The following MORN4 variants were observed in gnomAD, a reference collection of about 807,000 sequenced individuals.
MORN4 encodes MORN repeat containing 4, also known as MORN repeat-containing protein 4.
In MORN4, 8 loss-of-function variants were observed where a neutral mutation model predicts 16.4. The ratio of observed to expected loss-of-function variants is 0.49; its 90% confidence interval spans 0.29 to 0.88. The LOEUF (loss-of-function observed/expected upper bound fraction) is 0.88. MORN4 is among the 40% of genes least tolerant of loss of function. The probability of loss-of-function intolerance (pLI) is 0.09; values close to 1 mark genes in which losing one functional copy is unlikely to be tolerated. For missense variants in MORN4, 159 were observed against 182.9 expected, an observed-to-expected ratio of 0.87 and a Z score of 0.75; for synonymous variants, 53 against 68.9, an observed-to-expected ratio of 0.77 and a Z score of 1.14.
Position 97,623,427 on chromosome 10 carries a change from G to A in MORN4, c.-30-3744C>T, listed in dbSNP as rs116269295. On this transcript the variant is annotated intron_variant, in intron 1 of 4. Coordinates refer to ENST00000307450, the MANE Select transcript of MORN4 (RefSeq NM_178832.4). ...GCCACTACAGCCTGGGTGACAGAGCGAGACCCTGTCCCCCTCCAAAAAAAA... is the reference window on the plus strand; with the variant it reads ...GCCACTACAGCCTGGGTGACAGAGCAAGACCCTGTCCCCCTCCAAAAAAAA... 6.2e-3 allele frequency among the ~76,000 whole-genome samples: 942 copies of A among 152,144 alleles called. 9 individuals carry two copies. The highest frequency in any genetic ancestry group is 0.017 in the African/African-American group (725 of 41,510).
At chr10:97,623,411 G>A (rs1291227369) in intron 1 of MORN4, among the ~76,000 whole-genome samples, 2 of 152,052 alleles carry the variant, frequency 1.3e-5, no homozygotes, top group African/African-American at 2.4e-5. Flanking sequence ...TGCCACTACA[G>A]CCTGGGTGAC....
chr10:97,633,445 C>A lies in MORN4; in HGVS notation c.-129G>T. On this transcript the variant is annotated 5_prime_UTR_variant, in exon 1 of 5. It introduces an in-frame stop codon into an upstream open reading frame of the 5' UTR. Coordinates refer to ENST00000307450, the MANE Select transcript of MORN4 (RefSeq NM_178832.4). This position sits in a 1 kb window ranked among gnomAD's most constrained non-coding sequence, Gnocchi z 4.5. Reference sequence around the variant, plus strand: ...GGCTCCCGGCTGCCACCTTGCTCTCCGCCACCTCCACCAGCGATTGCCCCA... The same window carrying A: ...GGCTCCCGGCTGCCACCTTGCTCTCAGCCACCTCCACCAGCGATTGCCCCA... The A allele has an allele frequency of 7.8e-7, 1 of 1,289,904 alleles. No individual in the cohort carries two copies. The allele number at this position is 1,289,904 out of a possible 1,614,324, so 79.9% of individuals were successfully genotyped here.
upstream of MORN4, chr10:97,633,720 C>T (rs1288353824): frequency 2.6e-6 from 3 of 1,132,862 alleles, no homozygotes; most frequent in Non-Finnish European, 3.4e-6. The surrounding 1 kb of genome is among the most constrained non-coding windows in gnomAD (Gnocchi z 4.5). Context: ...GAAATGGCAA[C>T]CCCAAAGAAA....
intron 1 of MORN4, among the ~76,000 whole-genome samples, chr10:97,629,342 C>T (rs527674491): frequency 1.3e-4 from 20 of 152,240 alleles, no homozygotes; most frequent in South Asian, 2.1e-4. Flanking sequence ...GCCAAGATCG[C>T]GCCATTGCAC....
chr10:97,627,421 G>A (rs1021731921), intron 1 of MORN4, among the ~76,000 whole-genome samples: 21 of 152,190 alleles, frequency 1.4e-4, no homozygotes, highest in African/African-American at 4.8e-4. Context: ...TAGATTACAG[G>A]CGTGAGCTAC....
At chr10:97,620,410 C>T (rs2041278134) in intron 1 of MORN4, among the ~76,000 whole-genome samples, 1 of 147,196 alleles carries the variant, frequency 6.8e-6, no homozygotes, top group Non-Finnish European at 1.5e-5. Context: ...ATCACTTAAA[C>T]CCGGGAGGCG....
chr10:97,633,203 C>T lies in MORN4; in HGVS notation c.-31+144G>A. ...GAGACTAAAGGGTTCAGGTTTGGGT[C>T]CCCCACAGGCAACCGCCCTCAGGTC... On this transcript the variant is annotated intron_variant, in intron 1 of 4. Coordinates refer to ENST00000307450, the MANE Select transcript of MORN4 (RefSeq NM_178832.4). The surrounding 1 kb of genome is among the most constrained non-coding windows in gnomAD (Gnocchi z 4.5). 2 of 1,003,738 alleles carry T rather than the reference C, an allele frequency of 2.0e-6. No homozygotes were observed. The highest frequency in any genetic ancestry group is 1.3e-6 in the Non-Finnish European group (1 of 760,358). The allele number at this position is 1,003,738 out of a possible 1,614,324, so 62.2% of individuals were successfully genotyped here. A position where few individuals can be genotyped will look rare whatever the true frequency, so the allele number is the denominator to read the frequency against.
At chr10:97,616,843 G>A (rs572071402) in intron 3 of MORN4, 56 bp from the exon 4 acceptor site, 13 of 1,228,546 alleles carry the variant, frequency 1.1e-5, no homozygotes, top group South Asian at 9.6e-5. Context: ...CCAGATGAAC[G>A]GAGTCGAGCA....
intron 2 of MORN4, among the ~76,000 whole-genome samples, 179 bp from the exon 3 acceptor site, chr10:97,617,501 G>C (rs2041246794): frequency 6.6e-6 from 1 of 152,184 alleles, no homozygotes; most frequent in Admixed American, 6.5e-5. Context: ...CCTGGCTCCT[G>C]GGGCCTTCCC....
At position 97,633,476 on chromosome 10, in the gene MORN4, C is replaced by T. The variant is rs1430294873; in HGVS notation, c.-160G>A. ...CTCCACCAGCGATTGCCCCACTTGA[C>T]GCCGCCATCCTGGGCGACCGCACTG... On this transcript the variant is annotated 5_prime_UTR_variant, in exon 1 of 5. Transcript: ENST00000307450. This position sits in a 1 kb window ranked among gnomAD's most constrained non-coding sequence, Gnocchi z 4.5. 1 of 1,289,900 alleles carries T rather than the reference C, an allele frequency of 7.8e-7. No individual in the cohort carries two copies. The highest frequency in any genetic ancestry group is 1.2e-5 in the South Asian group (1 of 81,036). 79.9% of individuals were successfully genotyped at this position (1,289,900 alleles called of 1,614,324 possible).
At chr10:97,619,424 CTTTA>C (rs2041268251) in intron 2 of MORN4, 159 bp downstream of exon 2, 2 of 636,212 alleles carry the variant, frequency 3.1e-6, no homozygotes, top group Non-Finnish European at 5.8e-6. Context: ...TTTCAAATTC[CTTTA>C]TTTAATCCTA....
intron 1 of MORN4, among the ~76,000 whole-genome samples, chr10:97,626,570 C>T (rs1261753313): frequency 6.6e-6 from 1 of 150,780 alleles, no homozygotes; most frequent in East Asian, 2.0e-4. Context: ...ATTCTCCTGC[C>T]TCAGCCTCTC....
At chr10:97,619,789 T>G in intron 1 of MORN4, 106 bp from the exon 2 acceptor site, 1 of 824,444 alleles carries the variant, frequency 1.2e-6, no homozygotes, top group Non-Finnish European at 2.0e-6. Context: ...CTGGTAAGTG[T>G]ACACTGCCTT....
At chr10:97,619,026 GA>G (rs2041264343) in intron 2 of MORN4, among the ~76,000 whole-genome samples, 1 of 152,118 alleles carries the variant, frequency 6.6e-6, no homozygotes, top group South Asian at 2.1e-4. Context: ...AAAATGCTTA[GA>G]AGAGAGGCTG....
chr10:97,632,314 G>A (rs1452999428), intron 1 of MORN4, among the ~76,000 whole-genome samples: 1 of 147,984 alleles, frequency 6.8e-6, no homozygotes, highest in Non-Finnish European at 1.5e-5. Flanking sequence ...CGCCTCCCAG[G>A]TTCAAGCAAT....
chr10:97,617,434 G>A, intron 2 of MORN4, 112 bp from the exon 3 acceptor site: 1 of 840,558 alleles, frequency 1.2e-6, no homozygotes, highest in Non-Finnish European at 2.0e-6. Flanking sequence ...GAAAACAAGA[G>A]AAGCAGTGAC....
chr10:97,616,035 G>A lies in MORN4; in HGVS notation c.*228C>T, dbSNP rs1430095141. 1 of 403,872 alleles carries A rather than the reference G, an allele frequency of 2.5e-6. No individual in the cohort carries two copies. The highest frequency in any genetic ancestry group is 4.4e-6 in the Non-Finnish European group (1 of 228,372). 25.0% of individuals were successfully genotyped at this position (403,872 alleles called of 1,614,324 possible). On this transcript the variant is annotated 3_prime_UTR_variant, in exon 5 of 5. Coordinates refer to ENST00000307450, the MANE Select transcript of MORN4 (RefSeq NM_178832.4). ...GCTCCTCTGTCCTCCAGCACATAAG[G>A]GTTAGGGAAAGACAGAACCACCAAT...
rs914211416 is a variant in MORN4, at chr10:97,626,052, A to G, written c.-30-6369T>C. On this transcript the variant is annotated intron_variant, in intron 1 of 4. Coordinates refer to ENST00000307450, the MANE Select transcript of MORN4 (RefSeq NM_178832.4). The stretch of plus-strand genomic sequence containing the variant: ...TAGGATTATAAGCATGAGCCACCAC[A>G]CCCAGCCTCATGCCTTTTTTTTTTT... Among the ~76,000 whole-genome samples the G allele has an allele frequency of 8.4e-4, 117 of 139,844 alleles. 2 individuals are homozygous for G. The highest frequency in any genetic ancestry group is 8.2e-3 in the Admixed American group (113 of 13,752). 91.7% of individuals were successfully genotyped at this position (139,844 alleles called of 152,430 possible).
intron 2 of MORN4, 33 bp downstream of exon 2, chr10:97,619,554 T>C (rs950526393): frequency 2.0e-6 from 3 of 1,483,262 alleles, no homozygotes; most frequent in East Asian, 2.3e-5. Context: ...AATGAAGTGT[T>C]CATCATGGAT....
Sources: gnomAD v4.1 joint callset for allele counts (sites outside exome capture counted in the v4.1 genomes callset) on GRCh38, gnomAD v4.1.1 for gene constraint, Gnocchi (gnomAD v3.1) non-coding constraint, MANE v1.5 for transcripts, NCBI Gene and HGNC (gene_info 2026-07-23, HGNC 2026-07-21) for gene names.